Variants in CBLN2 observed in about 807,000 individuals in gnomAD.
The protein encoded by CBLN2 is cerebellin-2.
CBLN2 carries 7 observed loss-of-function variants against 15.0 expected under a neutral mutation model. The observed-to-expected ratio is 0.47, with a 90% CI of 0.27 to 0.88. The LOEUF (loss-of-function observed/expected upper bound fraction) is 0.88. Among genes scored for constraint, CBLN2 ranks in the 40% least tolerant of loss-of-function variants. The probability of loss-of-function intolerance (pLI) is 0.14; values close to 1 mark genes in which losing one functional copy is unlikely to be tolerated. For missense variants in CBLN2, 242 were observed against 304.5 expected (o/e 0.79, Z 1.53); for synonymous variants, 149 against 135.2 (o/e 1.10, Z -0.71).
At chr18:72,561,578 C>T (rs2069261829) in intron 1 of CBLN2, among the ~76,000 whole-genome samples, 2 of 152,154 alleles carry the variant, frequency 1.3e-5, no homozygotes, top group Non-Finnish European at 2.9e-5. Flanking sequence ...ATTAACAGTG[C>T]ATACATTATT....
chr18:72,581,271 T>A (rs1421073644), intron 1 of CBLN2, among the ~76,000 whole-genome samples: 2 of 152,198 alleles, frequency 1.3e-5, no homozygotes, highest in Non-Finnish European at 2.9e-5. Flanking sequence ...AATTGCTTAG[T>A]CATATGACAT....
In CBLN2 at chr18:72,538,124, C is replaced by T. The variant is rs141549773; in HGVS notation, c.*52G>A. 80 of 1,582,354 alleles carry T rather than the reference C, an allele frequency of 5.1e-5. No individual in the cohort carries two copies. Among genetic ancestry groups the T allele is most frequent in the South Asian group, 3.4e-4 (31 of 90,252 alleles). ...AGTAAGTTCAGGGTGTTTTAAAGGG[C>T]GGAGTCCTGGGTCCAGTTTGCCATT... is the stretch of plus-strand genomic sequence containing the variant. On this transcript the variant is annotated 3_prime_UTR_variant, in exon 5 of 5. Transcript: ENST00000269503.
At chr18:72,594,841 A>G (rs906544342) in intron 1 of CBLN2, among the ~76,000 whole-genome samples, 2 of 151,956 alleles carry the variant, frequency 1.3e-5, no homozygotes, top group Non-Finnish European at 2.9e-5. Flanking sequence ...ACCTCCATTG[A>G]TCCTCTGAAT....
chr18:72,572,148 C>T (rs911397403), intron 1 of CBLN2, among the ~76,000 whole-genome samples: 5 of 152,096 alleles, frequency 3.3e-5, no homozygotes, highest in African/African-American at 7.2e-5. Flanking sequence ...TCATTCCTCC[C>T]CATCTTCTGC....
At chr18:72,599,879 G>A (rs1242103728) in intron 1 of CBLN2, among the ~76,000 whole-genome samples, 3 of 152,194 alleles carry the variant, frequency 2.0e-5, no homozygotes, top group Non-Finnish European at 2.9e-5. Context: ...TACCTCCTCA[G>A]TGTCTCAATT....
At chr18:72,611,974 C>T (rs767570570) in intron 1 of CBLN2, among the ~76,000 whole-genome samples, 2 of 152,136 alleles carry the variant, frequency 1.3e-5, no homozygotes, top group Non-Finnish European at 2.9e-5. Flanking sequence ...CCAGTTATTC[C>T]TGCACTATTT....
upstream of CBLN2, among the ~76,000 whole-genome samples, chr18:72,545,228 G>T (rs2069150060): frequency 6.6e-6 from 1 of 152,188 alleles, no homozygotes; most frequent in South Asian, 2.1e-4. Flanking sequence ...AAGCACTGGA[G>T]ATGAAATTCA....
intron 1 of CBLN2, among the ~76,000 whole-genome samples, chr18:72,628,536 C>G (rs1204510080): frequency 6.6e-6 from 1 of 152,192 alleles, no homozygotes; most frequent in Non-Finnish European, 1.5e-5. Flanking sequence ...CTTTATACTC[C>G]TTCCCACCTC....
At chr18:72,584,702 G>C (rs1408917586) in intron 1 of CBLN2, among the ~76,000 whole-genome samples, 1 of 152,154 alleles carries the variant, frequency 6.6e-6, no homozygotes, top group Non-Finnish European at 1.5e-5. Flanking sequence ...GTAGAAAAAA[G>C]ACTGCTTGGG....
intron 1 of CBLN2, among the ~76,000 whole-genome samples, chr18:72,574,260 C>T (rs1030315505): frequency 1.3e-5 from 2 of 152,186 alleles, no homozygotes; most frequent in South Asian, 4.2e-4. Context: ...ATAGTGTCTT[C>T]TCAGATCAGA....
In CBLN2 at chr18:72,561,243, CAA is replaced by C. The variant is rs33954304; in HGVS notation, c.16-22473_16-22472del. ...GGAAACCAAAATAAAAACAACAACCCAAAAAAAAAAAAAAAAGATGCTTGACA... is the reference window on the plus strand; with the variant it reads ...GGAAACCAAAATAAAAACAACAACCCAAAAAAAAAAAAAAGATGCTTGACA... On this transcript the variant is annotated intron_variant, in intron 1 of 2. Coordinates refer to the CBLN2 transcript ENST00000581073. Among the ~76,000 whole-genome samples, 1,249 of 124,964 alleles carry C rather than the reference CAA, an allele frequency of 1.0e-2. 15 individuals are homozygous for C. Among genetic ancestry groups the C allele is most frequent in the African/African-American group, 0.037 (1,151 of 31,226 alleles). 82.0% of individuals were successfully genotyped at this position (124,964 alleles called of 152,430 possible).
At chr18:72,602,174 T>C (rs983506428) in intron 1 of CBLN2, among the ~76,000 whole-genome samples, 4 of 152,176 alleles carry the variant, frequency 2.6e-5, no homozygotes, top group Admixed American at 6.5e-5. Flanking sequence ...GACTTTTAGA[T>C]GTTGGTTCGA....
chr18:72,585,851 T>A (rs1227842270), intron 1 of CBLN2, among the ~76,000 whole-genome samples: 1 of 152,188 alleles, frequency 6.6e-6, no homozygotes, highest in Non-Finnish European at 1.5e-5. Context: ...GGCCAAGACA[T>A]CAGGGAGCTG....
intron 1 of CBLN2, among the ~76,000 whole-genome samples, chr18:72,612,392 G>T (rs1385317408): frequency 6.6e-6 from 1 of 152,118 alleles, no homozygotes; most frequent in African/African-American, 2.4e-5. Context: ...ACTCACATTT[G>T]TTGTGTGTCT....
chr18:72,604,133 T>C (rs1422402942), intron 1 of CBLN2, among the ~76,000 whole-genome samples: 2 of 152,186 alleles, frequency 1.3e-5, no homozygotes, highest in Non-Finnish European at 2.9e-5. Context: ...CTCTTCTTCC[T>C]CAAAGTGTGG....
chr18:72,559,920 G>A (rs564716646), intron 1 of CBLN2, among the ~76,000 whole-genome samples: 6 of 152,260 alleles, frequency 3.9e-5, no homozygotes, highest in Non-Finnish European at 7.4e-5. Context: ...CAATCACCTC[G>A]GTGACACTTG....
intron 1 of CBLN2, among the ~76,000 whole-genome samples, chr18:72,598,427 A>G (rs1404051943): frequency 2.0e-5 from 3 of 152,198 alleles, no homozygotes. Context: ...ACGTTGCAAG[A>G]CAAAGTCCAC....
intron 1 of CBLN2, chr18:72,625,064 T>A (rs952821674): frequency 1.3e-5 from 2 of 152,188 alleles, no homozygotes; most frequent in Non-Finnish European, 2.9e-5. Flanking sequence ...CCTCTCTCCA[T>A]AAAGTCTTAT....
chr18:72,634,845 C>T (rs927795096), intron 1 of CBLN2, among the ~76,000 whole-genome samples: 5 of 152,154 alleles, frequency 3.3e-5, no homozygotes, highest in Non-Finnish European at 5.9e-5. Flanking sequence ...TTCTCTTCTG[C>T]AAGCATGTTT....
Sources: allele counts gnomAD v4.1 joint callset (sites outside exome capture counted in the v4.1 genomes callset), GRCh38; gene constraint gnomAD v4.1.1; transcripts MANE v1.5; gene names NCBI Gene and HGNC (gene_info 2026-07-23, HGNC 2026-07-21).